RBFOX1: variants seen among roughly 807,000 people sequenced by gnomAD.
The protein encoded by RBFOX1 is RNA binding fox-1 homolog 1, also known as RNA binding protein fox-1 homolog 1.
Under a neutral mutation model 57.7 loss-of-function variants are expected in RBFOX1, and 8 were observed. That is an observed-to-expected ratio of 0.14 (90% confidence interval 0.08 to 0.25). The LOEUF (loss-of-function observed/expected upper bound fraction) is 0.25. Ranked by LOEUF, RBFOX1 falls within the 10% of genes least tolerant of loss-of-function variation. The pLI, the probability that RBFOX1 is intolerant of heterozygous loss-of-function variation, is 1.00. For missense variants in RBFOX1, 611 were observed against 548.5 expected (o/e 1.11, Z -1.14); for synonymous variants, 326 against 222.4 (o/e 1.47, Z -4.15).
chr16:6,749,960 C>G (rs1324261856), intron 3 of RBFOX1, among the ~76,000 whole-genome samples: 1 of 152,120 alleles, frequency 6.6e-6, no homozygotes. Flanking sequence ...AGTAGGCACA[C>G]AAATGAAAAG....
At chr16:6,615,639 G>A (rs924594589) in intron 2 of RBFOX1, among the ~76,000 whole-genome samples, 1 of 151,478 alleles carries the variant, frequency 6.6e-6, no homozygotes, top group Non-Finnish European at 1.5e-5. Context: ...TCAAAATAAA[G>A]AACTTCTTTC....
rs114782473 is a variant in RBFOX1 at position 7,142,780 on chromosome 16, G to A, written c.27+90682G>A. ...TATGACATTCCCAATGCCTTACACC[G>A]TTCTGAACACAGTGTTGCTTAAACC... is the stretch of plus-strand genomic sequence containing the variant. On this transcript the variant is annotated intron_variant, in intron 4 of 15. Transcript: ENST00000550418. Among the ~76,000 whole-genome samples the A allele has an allele frequency of 3.4e-3, 521 of 152,210 alleles. 1 individual carries two copies. Among genetic ancestry groups the A allele is most frequent in the African/African-American group, 0.012 (491 of 41,516 alleles).
At chr16:6,096,214 C>G (rs1027847461) in intron 1 of RBFOX1, among the ~76,000 whole-genome samples, 3 of 152,040 alleles carry the variant, frequency 2.0e-5, no homozygotes, top group African/African-American at 7.2e-5. Context: ...AGAGCATTGT[C>G]CTGCTGAATT....
intron 3 of RBFOX1, among the ~76,000 whole-genome samples, chr16:6,683,469 AT>A (rs1429195709): frequency 6.6e-6 from 1 of 152,218 alleles, no homozygotes; most frequent in African/African-American, 2.4e-5. Flanking sequence ...GGAGAAAAAA[AT>A]ACCTGTAATA....
intron 1 of RBFOX1, among the ~76,000 whole-genome samples, chr16:6,210,860 A>C (rs574904488): frequency 6.6e-6 from 1 of 152,328 alleles, no homozygotes; most frequent in African/African-American, 2.4e-5. Context: ...TGAACGGTGC[A>C]ATAGCCCTAG....
At chr16:7,000,391 G>T (rs1301722197) in intron 3 of RBFOX1, among the ~76,000 whole-genome samples, 2 of 151,986 alleles carry the variant, frequency 1.3e-5, no homozygotes, top group Non-Finnish European at 2.9e-5. Context: ...CCAACTCAGT[G>T]TTTGCAATCT....
intron 1 of RBFOX1, among the ~76,000 whole-genome samples, chr16:5,290,962 A>G (rs1308248863): frequency 6.6e-6 from 1 of 152,184 alleles, no homozygotes; most frequent in Non-Finnish European, 1.5e-5. Context: ...AGCTTCGCAA[A>G]GTACTGGGAT....
intron 3 of RBFOX1, among the ~76,000 whole-genome samples, chr16:6,724,701 G>C (rs1269335080): frequency 1.3e-5 from 2 of 152,166 alleles, no homozygotes; most frequent in Non-Finnish European, 2.9e-5. Flanking sequence ...TAAGAGTTCA[G>C]ATTAGACCAT....
At chr16:5,671,884 CT>C (rs1174981062) in intron 3 of RBFOX1, among the ~76,000 whole-genome samples, 1 of 152,134 alleles carries the variant, frequency 6.6e-6, no homozygotes, top group Admixed American at 6.5e-5. Context: ...ACCTATCAGC[CT>C]TGCAGAATAT....
intron 14 of RBFOX1, among the ~76,000 whole-genome samples, chr16:7,681,339 T>C (rs1412838066): frequency 6.6e-6 from 1 of 152,066 alleles, no homozygotes; most frequent in Non-Finnish European, 1.5e-5. Context: ...TAATATTTCA[T>C]CATAAGCTAA....
At chr16:7,669,634 A>G (rs1452419592) in intron 13 of RBFOX1, among the ~76,000 whole-genome samples, 1 of 147,970 alleles carries the variant, frequency 6.8e-6, no homozygotes, top group Non-Finnish European at 1.5e-5. Flanking sequence ...TCTGGTTAAC[A>G]CCATGGCTAA....
At chr16:7,640,184 G>GGCT (rs1204778940) in intron 11 of RBFOX1, among the ~76,000 whole-genome samples, 1 of 152,106 alleles carries the variant, frequency 6.6e-6, no homozygotes, top group East Asian at 1.9e-4. Flanking sequence ...TTGTTTCTTT[G>GGCT]GCTGTCATAA....
chr16:5,885,966 T>C (rs1032177919), intron 4 of RBFOX1, among the ~76,000 whole-genome samples: 1 of 152,170 alleles, frequency 6.6e-6, no homozygotes, highest in African/African-American at 2.4e-5. Flanking sequence ...GGTGGATTTC[T>C]CTGTTGCCAC....
At chr16:7,194,776 A>C (rs12919021) in intron 4 of RBFOX1, among the ~76,000 whole-genome samples, 29,897 of 147,038 alleles carry the variant, frequency 0.2, 3,638 homozygotes, top group Non-Finnish European at 0.29. Flanking sequence ...AAAACTACAA[A>C]AATTAGCTGG....
chr16:7,194,283 G>C (rs931180020), intron 4 of RBFOX1, among the ~76,000 whole-genome samples: 1 of 152,102 alleles, frequency 6.6e-6, no homozygotes, highest in Non-Finnish European at 1.5e-5. Flanking sequence ...TTATTTTATG[G>C]CTACCTTTTA....
At chr16:7,384,223 A>G (rs570304253) in intron 4 of RBFOX1, among the ~76,000 whole-genome samples, 2 of 151,592 alleles carry the variant, frequency 1.3e-5, no homozygotes, top group Non-Finnish European at 1.5e-5. Context: ...TATGAAATAT[A>G]TATATGAATA....
At chr16:7,647,505 G>C (rs1415863696) in intron 11 of RBFOX1, among the ~76,000 whole-genome samples, 1 of 151,070 alleles carries the variant, frequency 6.6e-6, no homozygotes, top group East Asian at 1.9e-4. Context: ...GTTCCTTATT[G>C]ATGGTCTGCT....
intron 3 of RBFOX1, among the ~76,000 whole-genome samples, chr16:6,840,741 G>C (rs1004558612): frequency 2.0e-5 from 3 of 151,922 alleles, no homozygotes; most frequent in African/African-American, 7.3e-5. Context: ...ACAAAAATTA[G>C]ATCAGTGTGG....
chr16:5,579,934 C>CT (rs943292393), intron 2 of RBFOX1, among the ~76,000 whole-genome samples: 390 of 151,694 alleles, frequency 2.6e-3, no homozygotes, highest in African/African-American at 7.9e-3. Flanking sequence ...TAATTTTTTT[C>CT]TTTTTTTTGA....
Sources: allele counts gnomAD v4.1 joint callset (sites outside exome capture counted in the v4.1 genomes callset), GRCh38; gene constraint gnomAD v4.1.1; transcripts MANE v1.5; gene names NCBI Gene and HGNC (gene_info 2026-07-23, HGNC 2026-07-21).